MAP3K5: variants seen among roughly 807,000 people sequenced by gnomAD.
MAP3K5 encodes the protein ASK-1.
A neutral mutation model predicts 158.7 loss-of-function variants in MAP3K5; 56 were observed. The ratio of observed to expected loss-of-function variants is 0.35; its 90% CI spans 0.28 to 0.44. The LOEUF is 0.44. Among genes scored for constraint, MAP3K5 ranks in the 20% least tolerant of loss-of-function variants. MAP3K5 has a pLI of 1.00. For missense variants in MAP3K5, 1,294 were observed against 1,674.8 expected, an observed-to-expected ratio of 0.77 and a Z score of 3.97; for synonymous variants, 579 against 601.7, an observed-to-expected ratio of 0.96 and a Z score of 0.55.
chr6:136,685,561 G>A (rs542214607), intron 7 of MAP3K5, among the ~76,000 whole-genome samples: 2 of 152,256 alleles, frequency 1.3e-5, no homozygotes, highest in South Asian at 4.1e-4. Context: ...AGAGTTCGAT[G>A]AGCCATTGTA....
chr6:136,662,515 CTCTCTCCCTCTCTCTCTTCCTT>C (rs1297223179), intron 8 of MAP3K5, among the ~76,000 whole-genome samples: 8 of 151,902 alleles, frequency 5.3e-5, no homozygotes, highest in African/African-American at 1.5e-4. Context: ...CTTCCTTTCT[CTCTCTCCCTCTCTCTCTTCCTT>C]TCTCTCCCTC....
intron 1 of MAP3K5, among the ~76,000 whole-genome samples, chr6:136,744,707 C>T (rs1782858240): frequency 6.6e-6 from 1 of 152,186 alleles, no homozygotes; most frequent in South Asian, 2.1e-4. Context: ...AGTGCAGCTG[C>T]AAAGCCTAGT....
intron 1 of MAP3K5, among the ~76,000 whole-genome samples, chr6:136,750,584 C>G: frequency 6.6e-6 from 1 of 152,130 alleles, no homozygotes; most frequent in East Asian, 1.9e-4. Flanking sequence ...TGTCAAATTA[C>G]CGTTTCGACA....
chr6:136,614,643 G>A (rs1350326921), intron 15 of MAP3K5, among the ~76,000 whole-genome samples: 7 of 152,132 alleles, frequency 4.6e-5, no homozygotes, highest in Non-Finnish European at 7.4e-5. Flanking sequence ...CCAGGAGAAC[G>A]GAAATTGTCC....
At chr6:136,606,308 G>A (rs766231818) in intron 18 of MAP3K5, among the ~76,000 whole-genome samples, 1 of 152,062 alleles carries the variant, frequency 6.6e-6, no homozygotes, top group Non-Finnish European at 1.5e-5. Context: ...CCGAGATCAC[G>A]CCACTGCACT....
chr6:136,595,310 G>A (rs941045336), intron 21 of MAP3K5, among the ~76,000 whole-genome samples: 3 of 152,098 alleles, frequency 2.0e-5, no homozygotes, highest in Non-Finnish European at 2.9e-5. Context: ...TCGCCATGTC[G>A]GCCAGGCTGG....
intron 2 of MAP3K5, among the ~76,000 whole-genome samples, chr6:136,710,156 ATC>A (rs1781248661): frequency 6.6e-6 from 1 of 152,242 alleles, no homozygotes; most frequent in African/African-American, 2.4e-5. Context: ...CTTGAAAGGT[ATC>A]TAGAGCAGAG....
At chr6:136,785,762 T>C (rs996637697) in intron 1 of MAP3K5, among the ~76,000 whole-genome samples, 1 of 152,148 alleles carries the variant, frequency 6.6e-6, no homozygotes, top group African/African-American at 2.4e-5. Flanking sequence ...ATGCTTCTCC[T>C]ACATCTGGCC....
intron 25 of MAP3K5, among the ~76,000 whole-genome samples, chr6:136,579,466 G>A (rs1038309092): frequency 2.6e-5 from 4 of 152,174 alleles, no homozygotes; most frequent in African/African-American, 7.2e-5. Context: ...GACATGACCT[G>A]AGAGCTGTAT....
intron 7 of MAP3K5, among the ~76,000 whole-genome samples, chr6:136,671,061 A>G (rs1779462336): frequency 2.0e-5 from 3 of 152,210 alleles, no homozygotes; most frequent in Admixed American, 6.5e-5. Flanking sequence ...CCCAACAAAA[A>G]AGGATTTAGG....
At chr6:136,583,848 A>G in intron 23 of MAP3K5, 108 bp from the exon 24 acceptor site, 2 of 1,024,140 alleles carry the variant, frequency 2.0e-6, no homozygotes, top group South Asian at 3.1e-5. Context: ...CTTTTGGTAG[A>G]GACAAGGTCT....
At chr6:136,638,090 T>C (rs567983164) in intron 13 of MAP3K5, among the ~76,000 whole-genome samples, 1 of 152,278 alleles carries the variant, frequency 6.6e-6, no homozygotes, top group East Asian at 1.9e-4. Context: ...TCTACACACA[T>C]TTCTTGGAGG....
At chr6:136,773,411 GA>G (rs1784289773) in intron 1 of MAP3K5, among the ~76,000 whole-genome samples, 1 of 152,176 alleles carries the variant, frequency 6.6e-6, no homozygotes, top group Admixed American at 6.5e-5. Flanking sequence ...CTGCTTTCCT[GA>G]AACTGCTCTG....
At chr6:136,792,516 T>A, upstream of MAP3K5, 1 of 323,640 alleles carries the variant, frequency 3.1e-6, no homozygotes, top group Non-Finnish European at 4.4e-6. The surrounding 1 kb of genome is among the most constrained non-coding windows in gnomAD (Gnocchi z 5.7). Flanking sequence ...GGCGCCGCGC[T>A]CGGGGTGCAG....
At chr6:136,632,283 G>T (rs1490308094) in intron 14 of MAP3K5, among the ~76,000 whole-genome samples, 2 of 152,186 alleles carry the variant, frequency 1.3e-5, no homozygotes, top group Admixed American at 6.5e-5. Flanking sequence ...CATTTTGGGA[G>T]GCCAAGGCAG....
chr6:136,739,156 G>C (rs1206297341), intron 1 of MAP3K5, among the ~76,000 whole-genome samples: 1 of 152,186 alleles, frequency 6.6e-6, no homozygotes, highest in Non-Finnish European at 1.5e-5. Flanking sequence ...AATGGTGTCT[G>C]AAGGAGATAT....
chr6:136,722,513 T>C (rs910690217), intron 1 of MAP3K5, among the ~76,000 whole-genome samples: 3 of 151,994 alleles, frequency 2.0e-5, no homozygotes, highest in South Asian at 2.1e-4. Context: ...ATATGAGAAA[T>C]TACTCTCCAT....
At chr6:136,725,284 C>T (rs1041537801) in intron 1 of MAP3K5, among the ~76,000 whole-genome samples, 2 of 152,170 alleles carry the variant, frequency 1.3e-5, no homozygotes, top group Admixed American at 6.5e-5. Context: ...GCCAAGCTCT[C>T]CCAAAGTGAC....
intron 23 of MAP3K5, among the ~76,000 whole-genome samples, chr6:136,591,900 G>A (rs987331951): frequency 3.3e-5 from 5 of 152,154 alleles, no homozygotes; most frequent in African/African-American, 1.2e-4. Context: ...AGGCTTGTAG[G>A]GGCTATTTGG....
Sources: gnomAD v4.1 joint callset for allele counts (sites outside exome capture counted in the v4.1 genomes callset) on GRCh38, gnomAD v4.1.1 for gene constraint, Gnocchi (gnomAD v3.1) non-coding constraint, MANE v1.5 for transcripts, NCBI Gene and HGNC (gene_info 2026-07-23, HGNC 2026-07-21) for gene names.